Variants in HOXA2 observed in about 807,000 individuals in gnomAD.
HOXA2 encodes homeobox A2, also known as homeobox protein Hox-A2.
A neutral mutation model predicts 27.2 loss-of-function variants in HOXA2; 4 were observed. That is an observed-to-expected ratio of 0.15 (90% CI 0.07 to 0.34). HOXA2 has a LOEUF of 0.34. Among genes scored for constraint, HOXA2 ranks in the 10% least tolerant of loss-of-function variants. The probability of loss-of-function intolerance (pLI) is 1.00; values close to 1 mark genes in which losing one functional copy is unlikely to be tolerated. For missense variants in HOXA2, 430 were observed against 473.2 expected (o/e 0.91, Z 0.85); for synonymous variants, 200 against 202.8 (o/e 0.99, Z 0.12).
In HOXA2 at chr7:27,102,183, T is replaced by C. The variant is rs994574013; in HGVS notation, c.318A>G (p.Lys106=). The stretch of plus-strand genomic sequence containing the variant: ...CGGCGGCGGCCGGCAGAAGTGCGGT[T>C]TTCTTGGCCGCCTTCTTCTCCTTCA... The part of the protein sequence containing the change: ...PWMKEKKAAK[K]TALLPAAAAA... Residue 106 remains lysine, a synonymous_variant, in exon 1 of 2, where the codon AAA becomes AAG. Transcript: ENST00000222718. The surrounding 1 kb of genome is among the most constrained non-coding windows in gnomAD (Gnocchi z 4.6). 2 of 1,558,348 alleles carry C rather than the reference T, an allele frequency of 1.3e-6. No individual in the cohort carries two copies. Among genetic ancestry groups the C allele is most frequent in the African/African-American group, 2.7e-5 (2 of 73,860 alleles).
chr7:27,101,301 GTC>G lies in HOXA2; in HGVS notation c.554_555del (p.Arg185ThrfsTer30), dbSNP rs1562703529. 6.2e-7 allele frequency: 1 copy of G among 1,614,142 alleles called. No individual in the cohort carries two copies. Among genetic ancestry groups the G allele is most frequent in the Non-Finnish European group, 8.5e-7 (1 of 1,180,032 alleles). ...CGGTTCTGAAACCACACTTTCACTT[GTC>G]TCTCAGTCAAATCCAGCAGCGCTGC... ...EIAALLDLTE[R>X]QVKVWFQNRR... On this transcript the variant is annotated frameshift_variant, in exon 2 of 2. Transcript: ENST00000222718.
Position 27,102,036 on chromosome 7 carries a change from C to T in HOXA2, c.391+74G>A, listed in dbSNP as rs1396406269. The T allele has an allele frequency of 1.3e-6, 2 of 1,581,148 alleles. No homozygotes were observed. Among genetic ancestry groups the T allele is most frequent in the Non-Finnish European group, 1.7e-6 (2 of 1,165,876 alleles). On this transcript the variant is annotated intron_variant, in intron 1 of 1. Coordinates refer to ENST00000222718, the MANE Select transcript of HOXA2 (RefSeq NM_006735.4). This position sits in a 1 kb window ranked among gnomAD's most constrained non-coding sequence, Gnocchi z 4.6. ...CTCTCCCAGCCCACTCTCCCCTCCCCCCACAGCCACTCTCGGGGCAGCCCG... is the reference window on the plus strand; with the variant it reads ...CTCTCCCAGCCCACTCTCCCCTCCCTCCACAGCCACTCTCGGGGCAGCCCG...
rs1328933516 is a variant in HOXA2, at chr7:27,100,656, A to G, written c.*70T>C. 7.7e-6 allele frequency: 12 copies of G among 1,555,904 alleles called. No homozygotes were observed. The highest frequency in any genetic ancestry group is 1.1e-5 in the Non-Finnish European group (12 of 1,131,530). ...AAGAAAATAAAAAATAAACTCCCAA[A>G]TAAAAGAAGGCAAAACCACCTGGTC... is the stretch of plus-strand genomic sequence containing the variant. On this transcript the variant is annotated 3_prime_UTR_variant, in exon 2 of 2. Coordinates refer to ENST00000222718, the MANE Select transcript of HOXA2 (RefSeq NM_006735.4).
rs753470097 is a variant in HOXA2 at position 27,101,860 on chromosome 7, A to T, written c.391+250T>A. ...TTCCAACTCAAATAAATCATCCCAC[A>T]TTACACAAGTTCGGGAAAGTTTCCC... is the stretch of plus-strand genomic sequence containing the variant. On this transcript the variant is annotated intron_variant, in intron 1 of 1. Coordinates refer to ENST00000222718, the MANE Select transcript of HOXA2 (RefSeq NM_006735.4). 5.6e-6 allele frequency: 4 copies of T among 708,826 alleles called. No individual in the cohort carries two copies. The East Asian group carries it at 1.1e-4, about 19-fold the overall frequency. 43.9% of individuals were successfully genotyped at this position (708,826 alleles called of 1,614,324 possible).
rs1231337235 is a variant in HOXA2 at position 27,102,137 on chromosome 7, T to A, written c.364A>T (p.Thr122Ser). ...AAAAAATAAA[T>S]GPACLSHKES... ...TTGTGGCTGAGGCAAGCAGGGCCGG[T>A]GGCTGCGGCGGTGGCGGCGGCGGCG... The change falls in exon 1 of 2, where the codon ACC (threonine) becomes TCC (serine). Residue 122 changes from threonine to serine, a missense_variant. Transcript: ENST00000222718. This position sits in a 1 kb window ranked among gnomAD's most constrained non-coding sequence, Gnocchi z 4.6. 6.3e-7 allele frequency: 1 copy of A among 1,599,258 alleles called. No homozygotes were observed. Among genetic ancestry groups the A allele is most frequent in the South Asian group, 1.1e-5 (1 of 88,910 alleles).
Position 27,100,924 on chromosome 7 carries a change from A to G in HOXA2, c.933T>C (p.Asn311=), listed in dbSNP as rs777709823. The G allele has an allele frequency of 2.5e-6, 4 of 1,614,080 alleles. No individual in the cohort carries two copies. Among genetic ancestry groups the G allele is most frequent in the Admixed American group, 3.3e-5 (2 of 60,008 alleles). ...GGACCTCAAGGGCCTCAGGACTGTC[A>G]TTGTTTAGGCCAGCTCCACAGTTCT... The part of the protein sequence containing the change: ...MGQNCGAGLN[N]DSPEALEVPS... The change falls in exon 2 of 2, where the codon AAT becomes AAC. Residue 311 remains asparagine, a synonymous_variant. Coordinates refer to ENST00000222718, the MANE Select transcript of HOXA2 (RefSeq NM_006735.4).
chr7:27,102,175 A>G lies in HOXA2; in HGVS notation c.326T>C (p.Leu109Pro). 1.3e-6 allele frequency: 2 copies of G among 1,565,602 alleles called. No homozygotes were observed. The highest frequency in any genetic ancestry group is 2.3e-5 in the South Asian group (2 of 85,822). Residue 109 changes from leucine to proline, a missense_variant, in exon 1 of 2, where the codon CTT becomes CCT. Physicochemically the swap from Leu to Pro is moderately conservative, Grantham distance 98. Transcript: ENST00000222718. The surrounding 1 kb of genome is among the most constrained non-coding windows in gnomAD (Gnocchi z 4.6). ...KEKKAAKKTA[L>P]LPAAAAAATA... is the part of the protein sequence containing the mutation. ...GGCGGCGGCGGCGGCGGCCGGCAGAAGTGCGGTTTTCTTGGCCGCCTTCTT... is the reference window on the plus strand; with the variant it reads ...GGCGGCGGCGGCGGCGGCCGGCAGAGGTGCGGTTTTCTTGGCCGCCTTCTT...
chr7:27,101,253 T>A lies in HOXA2; in HGVS notation c.604A>T (p.Thr202Ser), dbSNP rs1474003389. 6.2e-7 allele frequency: 1 copy of A among 1,614,250 alleles called. No individual in the cohort carries two copies. The highest frequency in any genetic ancestry group is 8.5e-7 in the Non-Finnish European group (1 of 1,180,026). ...QNRRMKHKRQ[T>S]QCKENQNSEG... The stretch of plus-strand genomic sequence containing the variant: ...CTGTTTTGGTTTTCCTTGCACTGGG[T>A]CTGCCTCTTGTGCTTCATCCTCCGG... Residue 202 changes from threonine to serine, a missense_variant, in exon 2 of 2, where the codon ACC becomes TCC. Coordinates refer to ENST00000222718, the MANE Select transcript of HOXA2 (RefSeq NM_006735.4).
Position 27,102,116 on chromosome 7 carries a change from G to A in HOXA2, c.385C>T (p.His129Tyr). The A allele has an allele frequency of 1.9e-6, 3 of 1,606,110 alleles. No individual in the cohort carries two copies. In the South Asian group the frequency reaches 3.3e-5, roughly 18 times the overall value. The change falls in exon 1 of 2, where the codon CAC (histidine) becomes TAC (tyrosine). Residue 129 changes from histidine (H) to tyrosine (Y), a missense_variant. His to Tyr is a moderately conservative substitution (Grantham distance 83). Coordinates refer to ENST00000222718, the MANE Select transcript of HOXA2 (RefSeq NM_006735.4). This position sits in a 1 kb window ranked among gnomAD's most constrained non-coding sequence, Gnocchi z 4.6. ...AAATGPACLS[H>Y]KESLEIADGS... Reference sequence around the variant, plus strand: ...GCCAAGTCTTTGGACTGACCTTTGTGGCTGAGGCAAGCAGGGCCGGTGGCT... The same window carrying A: ...GCCAAGTCTTTGGACTGACCTTTGTAGCTGAGGCAAGCAGGGCCGGTGGCT...
Position 27,100,952 on chromosome 7 carries a change from C to G in HOXA2, c.905G>C (p.Gly302Ala), listed in dbSNP as rs1346244886. 1.2e-6 allele frequency: 2 copies of G among 1,614,046 alleles called. No homozygotes were observed. Among genetic ancestry groups the G allele is most frequent in the Non-Finnish European group, 1.7e-6 (2 of 1,180,044 alleles). Residue 302 changes from glycine to alanine, a missense_variant, in exon 2 of 2, where the codon GGC becomes GCC. Gly to Ala is a moderately conservative substitution (Grantham distance 60). This residue lies in a region of HOXA2 where 236 missense variants were observed against 208.5 expected (regional missense o/e 1.13). Coordinates refer to ENST00000222718, the MANE Select transcript of HOXA2 (RefSeq NM_006735.4). Reference sequence around the variant, plus strand: ...GTTTAGGCCAGCTCCACAGTTCTGGCCCATTGTTGACAAGCAGTTGGGAAC... The same window carrying G: ...GTTTAGGCCAGCTCCACAGTTCTGGGCCATTGTTGACAAGCAGTTGGGAAC... Reference protein sequence around the residue: ...PTVPNCLSTMGQNCGAGLNND... With the variant: ...PTVPNCLSTMAQNCGAGLNND...
chr7:27,102,292 C>G lies in HOXA2; in HGVS notation c.209G>C (p.Gly70Ala). The G allele has an allele frequency of 6.2e-7, 1 of 1,605,620 alleles. No individual in the cohort carries two copies. The highest frequency in any genetic ancestry group is 8.5e-7 in the Non-Finnish European group (1 of 1,176,026). ...NPGSHPRHGA[G>A]GRPKPSPAGS... ...CGCGGGGCTCGGCTTGGGGCGGCCG[C>G]CAGCGCCGTGGCGAGGGTGACTGCC... Residue 70 changes from glycine to alanine, a missense_variant, in exon 1 of 2, where the codon GGC becomes GCC. By Grantham distance (60) the Gly-to-Ala change is moderately conservative. This residue lies in a region of HOXA2 where 166 missense variants were observed against 207.6 expected (regional missense o/e 0.80). Coordinates refer to ENST00000222718, the MANE Select transcript of HOXA2 (RefSeq NM_006735.4). This position sits in a 1 kb window ranked among gnomAD's most constrained non-coding sequence, Gnocchi z 4.6.
chr7:27,101,864 C>T (rs1416132938), intron 1 of HOXA2: 1 of 712,344 alleles, frequency 1.4e-6, no homozygotes, highest in East Asian at 2.7e-5. Flanking sequence ...TCCCACATTA[C>T]ACAAGTTCGG....
intron 1 of HOXA2, chr7:27,101,815 AC>A (rs1368180871): frequency 2.9e-6 from 2 of 692,500 alleles, no homozygotes; most frequent in Non-Finnish European, 5.3e-6. Flanking sequence ...CTCTAGGACA[AC>A]TAGACAGGAG....
At position 27,101,164 on chromosome 7, in the gene HOXA2, C is replaced by T. The variant is rs746566874; in HGVS notation, c.693G>A (p.Thr231=). 16 of 1,614,032 alleles carry T rather than the reference C, an allele frequency of 9.9e-6. No homozygotes were observed. Among genetic ancestry groups the T allele is most frequent in the East Asian group, 2.2e-5 (1 of 44,900 alleles). ...AGACGCTAAGGGCTTGCTCAAAGAG[C>T]GTCTTCTCTTCCTCGTCCTCCTCTA... ...EKVEEDEEEK[T]LFEQALSVSG... The change falls in exon 2 of 2, where the codon ACG becomes ACA. Residue 231 remains threonine (T), a synonymous_variant. Coordinates refer to ENST00000222718, the MANE Select transcript of HOXA2 (RefSeq NM_006735.4).
Position 27,102,510 on chromosome 7 carries a change from C to T in HOXA2, c.-10G>A. ...CAAATTCGTAATTCATGGCCTTCTCCTTGGAGCCCCCTCAGAGAAAAAGTT... is the reference window on the plus strand; with the variant it reads ...CAAATTCGTAATTCATGGCCTTCTCTTTGGAGCCCCCTCAGAGAAAAAGTT... On this transcript the variant is annotated 5_prime_UTR_variant, in exon 1 of 2. Transcript: ENST00000222718. This position sits in a 1 kb window ranked among gnomAD's most constrained non-coding sequence, Gnocchi z 4.6. 1.2e-6 allele frequency: 2 copies of T among 1,612,982 alleles called. No homozygotes were observed. The highest frequency in any genetic ancestry group is 1.7e-6 in the Non-Finnish European group (2 of 1,179,884).
chr7:27,101,875 GAA>G (rs1783933475), intron 1 of HOXA2: 1 of 721,738 alleles, frequency 1.4e-6, no homozygotes, highest in African/African-American at 1.7e-5. Flanking sequence ...ACAAGTTCGG[GAA>G]AGTTTCCCCC....
At chr7:27,101,516 G>A in intron 1 of HOXA2, 51 bp from the exon 2 acceptor site, 1 of 1,588,332 alleles carries the variant, frequency 6.3e-7, no homozygotes, top group African/African-American at 1.3e-5. Context: ...GAGGTGGAGG[G>A]GTCCGAGCGG....
Position 27,102,126 on chromosome 7 carries a change from A to C in HOXA2, c.375T>G (p.Ala125=). Residue 125 remains alanine (A), a synonymous_variant, in exon 1 of 2, where the codon GCT becomes GCG. Transcript: ENST00000222718. This position sits in a 1 kb window ranked among gnomAD's most constrained non-coding sequence, Gnocchi z 4.6. ...AAATAAATGP[A]CLSHKESLEI... ...TGGACTGACCTTTGTGGCTGAGGCA[A>C]GCAGGGCCGGTGGCTGCGGCGGTGG... 1.2e-6 allele frequency: 2 copies of C among 1,603,524 alleles called. No homozygotes were observed. The highest frequency in any genetic ancestry group is 1.7e-6 in the Non-Finnish European group (2 of 1,175,776).
Position 27,102,143 on chromosome 7 carries a change from CGGCGGT to C in HOXA2, c.352_357del (p.Thr118_Ala119del), listed in dbSNP as rs1360082080. On this transcript the variant is annotated inframe_deletion, in exon 1 of 2. Coordinates refer to ENST00000222718, the MANE Select transcript of HOXA2 (RefSeq NM_006735.4). This position sits in a 1 kb window ranked among gnomAD's most constrained non-coding sequence, Gnocchi z 4.6. Reference sequence around the variant, plus strand: ...CTGAGGCAAGCAGGGCCGGTGGCTGCGGCGGTGGCGGCGGCGGCGGCGGCCGGCAGA... The same window carrying C: ...CTGAGGCAAGCAGGGCCGGTGGCTGCGGCGGCGGCGGCGGCGGCCGGCAGA... The C allele has an allele frequency of 6.3e-7, 1 of 1,591,902 alleles. No homozygotes were observed. Among genetic ancestry groups the C allele is most frequent in the East Asian group, 2.3e-5 (1 of 44,190 alleles).
Sources: gnomAD v4.1 joint callset for allele counts on GRCh38, gnomAD v4.1.1 for gene constraint, gnomAD v4.1.1 regional missense constraint, Gnocchi (gnomAD v3.1) non-coding constraint, MANE v1.5 for transcripts, NCBI Gene and HGNC (gene_info 2026-07-23, HGNC 2026-07-21) for gene names.